Variants in MTG1 observed in about 807,000 individuals in gnomAD.
MTG1 encodes the protein mitochondrial ribosome-associated GTPase 1.
In MTG1, 30 loss-of-function variants were observed where a neutral mutation model predicts 39.5. The ratio of observed to expected loss-of-function variants is 0.76; its 90% CI spans 0.57 to 1.03. MTG1 has a LOEUF of 1.03. Among genes scored for constraint, MTG1 ranks in the 50% least tolerant of loss-of-function variants. The pLI is 0.00. For missense variants in MTG1, 513 were observed against 447.4 expected (o/e 1.15, Z -1.32); for synonymous variants, 217 against 179.0 (o/e 1.21, Z -1.69).
intron 9 of MTG1, among the ~76,000 whole-genome samples, chr10:133,415,735 G>C (rs7921041): frequency 0.24 from 37,171 of 152,154 alleles, 4,718 homozygotes; most frequent in Admixed American, 0.34. Context: ...TTTTGGATCT[G>C]GGTCTTTGTA....
Position 133,421,121 on chromosome 10 carries a change from C to G in MTG1, c.*956C>G, listed in dbSNP as rs1350625222. Reference sequence around the variant, plus strand: ...TGGCCTGACCGTCCCACAGCAGCCTCCACCAGGGCCCTGGTGCTCAGTGGC... The same window carrying G: ...TGGCCTGACCGTCCCACAGCAGCCTGCACCAGGGCCCTGGTGCTCAGTGGC... On this transcript the variant is annotated 3_prime_UTR_variant, in exon 11 of 11. Transcript: ENST00000317502. The G allele has an allele frequency of 1.3e-5, 2 of 152,430 alleles. No homozygotes were observed. The highest frequency in any genetic ancestry group is 4.8e-5 in the African/African-American group (2 of 41,436). 9.4% of individuals were successfully genotyped at this position (152,430 alleles called of 1,614,324 possible).
chr10:133,397,143 C>T (rs1292635748), intron 3 of MTG1, among the ~76,000 whole-genome samples: 1 of 152,234 alleles, frequency 6.6e-6, no homozygotes, highest in Non-Finnish European at 1.5e-5. Context: ...ATCTTGTACA[C>T]CTGGCTCTGT....
rs368401199 is a variant in MTG1, at chr10:133,399,663, C to A, written c.511+44C>A. 5.0e-6 allele frequency: 8 copies of A among 1,592,368 alleles called. No homozygotes were observed. The African/African-American group carries it at 1.1e-4, about 21-fold the overall frequency. On this transcript the variant is annotated intron_variant, in intron 6 of 10. Transcript: ENST00000317502. Reference sequence around the variant, plus strand: ...GATCACCTCAGGAAAGGTACTGGCGCGTGTGGCTGATGTGCTGATGCCACC... The same window carrying A: ...GATCACCTCAGGAAAGGTACTGGCGAGTGTGGCTGATGTGCTGATGCCACC...
rs1285827346 is a variant in MTG1, at chr10:133,421,873, C to G, written c.*1708C>G. The G allele has an allele frequency of 7.1e-6, 1 of 140,604 alleles. No individual in the cohort carries two copies. Among genetic ancestry groups the G allele is most frequent in the East Asian group, 2.1e-4 (1 of 4,682 alleles). 8.7% of individuals were successfully genotyped at this position (140,604 alleles called of 1,614,324 possible). ...GCTGAGGGCGAGGCTGTCCCCAGGA[C>G]ATGGAGAGGGTGAGATCCCAAGGCC... On this transcript the variant is annotated 3_prime_UTR_variant, in exon 11 of 11. Coordinates refer to ENST00000317502, the MANE Select transcript of MTG1 (RefSeq NM_138384.4).
At chr10:133,400,941 A>T (rs1030316448) in intron 6 of MTG1, among the ~76,000 whole-genome samples, 2 of 152,202 alleles carry the variant, frequency 1.3e-5, no homozygotes, top group Admixed American at 1.3e-4. Flanking sequence ...TTTAAGGCTG[A>T]TCACCCCGTT....
Position 133,419,494 on chromosome 10 carries a change from A to G in MTG1, c.767A>G (p.Tyr256Cys), listed in dbSNP as rs762558858. ...KHQRFGYVQH[Y>C]GLGSACDNVE... Reference sequence around the variant, plus strand: ...CCTATGTGCAGGTACGTGCAGCACTACGGCCTGGGCAGTGCCTGTGACAAC... The same window carrying G: ...CCTATGTGCAGGTACGTGCAGCACTGCGGCCTGGGCAGTGCCTGTGACAAC... Residue 256 changes from tyrosine (Y) to cysteine (C), a missense_variant, in exon 10 of 11, where the codon TAC becomes TGC. Transcript: ENST00000317502. The G allele has an allele frequency of 6.9e-6, 11 of 1,601,910 alleles. No individual in the cohort carries two copies. Among genetic ancestry groups the G allele is most frequent in the African/African-American group, 1.3e-5 (1 of 74,764 alleles).
intron 4 of MTG1, 24 bp from the exon 5 acceptor site, chr10:133,399,146 T>C (rs748047932): frequency 9.3e-6 from 15 of 1,614,140 alleles, no homozygotes; most frequent in Middle Eastern, 3.3e-4. Context: ...CTGGGGTGGC[T>C]CCATGAGTGG....
chr10:133,418,194 G>C (rs1288004464), intron 9 of MTG1, among the ~76,000 whole-genome samples: 2 of 152,194 alleles, frequency 1.3e-5, no homozygotes, highest in African/African-American at 2.4e-5. Context: ...AGTAGAGACA[G>C]GGTTTCACCA....
intron 9 of MTG1, among the ~76,000 whole-genome samples, chr10:133,415,984 G>T (rs1364946737): frequency 1.5e-5 from 1 of 66,268 alleles, no homozygotes; most frequent in Non-Finnish European, 3.1e-5. Context: ...GGCGGGTGTC[G>T]GCACGCGGGT....
intron 9 of MTG1, among the ~76,000 whole-genome samples, chr10:133,413,855 A>T (rs1385821352): frequency 6.6e-6 from 1 of 151,940 alleles, no homozygotes; most frequent in Non-Finnish European, 1.5e-5. Context: ...CCAGAAAAAA[A>T]GTTGTATATA....
At chr10:133,417,629 C>T (rs1406718230) in intron 9 of MTG1, among the ~76,000 whole-genome samples, 1 of 151,542 alleles carries the variant, frequency 6.6e-6, no homozygotes, top group South Asian at 2.1e-4. Context: ...CTAGAAAACC[C>T]CATTGTCTCA....
At position 133,420,000 on chromosome 10, in the gene MTG1, C is replaced by T. The variant is rs776344785; in HGVS notation, c.866-26C>T. On this transcript the variant is annotated intron_variant, in intron 10 of 10. Transcript: ENST00000317502. ...GCCTGTCCTGCTGTGAAGGCTCCTT[C>T]CTCACTGAACCCTCCCGTCCCCCAG... is the stretch of plus-strand genomic sequence containing the variant. 6 of 1,586,888 alleles carry T rather than the reference C, an allele frequency of 3.8e-6. No homozygotes were observed. The African/African-American group carries it at 6.7e-5, about 18-fold the overall frequency.
In MTG1 at chr10:133,395,756, C is replaced by A. The variant is rs1270125857; in HGVS notation, c.156C>A (p.Ile52=). 1 of 1,614,006 alleles carries A rather than the reference C, an allele frequency of 6.2e-7. No homozygotes were observed. The highest frequency in any genetic ancestry group is 8.5e-7 in the Non-Finnish European group (1 of 1,180,028). Residue 52 remains isoleucine, a synonymous_variant, in exon 2 of 11, where the codon ATC becomes ATA. Transcript: ENST00000317502. ...MQSSLKLVDC[I]IEVHDARIPL... is the part of the protein sequence containing the mutation. ...GCAGCCTGAAGCTGGTGGACTGTAT[C>A]ATCGAGGTCCACGATGCCCGGATAT...
Position 133,402,688 on chromosome 10 carries a change from A to T in MTG1, c.671-4A>T. The T allele has an allele frequency of 1.9e-6, 3 of 1,601,730 alleles. No homozygotes were observed. Among genetic ancestry groups the T allele is most frequent in the Non-Finnish European group, 8.5e-7 (1 of 1,174,556 alleles). The stretch of plus-strand genomic sequence containing the variant: ...AGTGCTCACCTCGGCTGCTGCTTCC[A>T]CAGGAACGGTGCTGGACCACCTGGT... On this transcript the variant is annotated splice_region_variant and splice_polypyrimidine_tract_variant and intron_variant, in intron 8 of 10. Coordinates refer to ENST00000317502, the MANE Select transcript of MTG1 (RefSeq NM_138384.4). This position sits in a 1 kb window ranked among gnomAD's most constrained non-coding sequence, Gnocchi z 4.7.
chr10:133,395,930 T>G (rs2133489990), intron 2 of MTG1, among the ~76,000 whole-genome samples, 153 bp downstream of exon 2: 1 of 152,328 alleles, frequency 6.6e-6, no homozygotes, highest in East Asian at 1.9e-4. Flanking sequence ...TGCGTGTCTT[T>G]GAAACTTCAT....
rs2274666 is a variant in MTG1 at position 133,396,438 on chromosome 10, C to T, written c.282+171C>T. ...CGTGCCAGCATCGTTTCTCATATGGCGTGCCCCCATCTAATGTGTGGTTCG... is the reference window on the plus strand; with the variant it reads ...CGTGCCAGCATCGTTTCTCATATGGTGTGCCCCCATCTAATGTGTGGTTCG... On this transcript the variant is annotated intron_variant, in intron 3 of 10. Coordinates refer to ENST00000317502, the MANE Select transcript of MTG1 (RefSeq NM_138384.4). Among the ~76,000 whole-genome samples the T allele has an allele frequency of 1.1e-3, 169 of 152,292 alleles. 4 individuals are homozygous for T. The East Asian group carries it at 0.031, about 28-fold the overall frequency.
intron 9 of MTG1, among the ~76,000 whole-genome samples, chr10:133,413,887 C>A (rs1193992911): frequency 2.0e-5 from 3 of 151,590 alleles, no homozygotes; most frequent in African/African-American, 7.3e-5. Context: ...GTTTACCATC[C>A]ACACCTTCTC....
intron 9 of MTG1, among the ~76,000 whole-genome samples, chr10:133,416,160 G>A (rs377316356): frequency 1.3e-5 from 2 of 152,130 alleles, no homozygotes; most frequent in East Asian, 3.9e-4. Context: ...CTTCTGCAAT[G>A]TATAATCTGC....
chr10:133,394,704 CT>C lies in MTG1; in HGVS notation c.112+376del, dbSNP rs891757827. On this transcript the variant is annotated intron_variant, in intron 1 of 10. Coordinates refer to ENST00000317502, the MANE Select transcript of MTG1 (RefSeq NM_138384.4). ...CTTGACAAGATAGACTTTTCTGAGT[CT>C]TTTGGGGACTAAATGAAACAGTGGG... The C allele has an allele frequency of 1.5e-5, 16 of 1,062,172 alleles. No individual in the cohort carries two copies. The African/African-American group carries it at 2.7e-4, about 18-fold the overall frequency. 65.8% of individuals were successfully genotyped at this position (1,062,172 alleles called of 1,614,324 possible).
Sources: allele counts gnomAD v4.1 joint callset (sites outside exome capture counted in the v4.1 genomes callset), GRCh38; gene constraint gnomAD v4.1.1; non-coding constraint Gnocchi (gnomAD v3.1); transcripts MANE v1.5; gene names NCBI Gene and HGNC (gene_info 2026-07-23, HGNC 2026-07-21).